Variants in IDE observed in about 807,000 individuals in gnomAD.
IDE encodes the protein insulin degrading enzyme, also known as insulin-degrading enzyme.
In IDE, 58 loss-of-function variants were observed where a neutral mutation model predicts 133.2. The ratio of observed to expected loss-of-function variants is 0.44; its 90% CI spans 0.35 to 0.54. The LOEUF (loss-of-function observed/expected upper bound fraction) is 0.54, where lower values mean the gene tolerates loss of function less well. Ranked by LOEUF, IDE falls within the 20% of genes least tolerant of loss-of-function variation. The pLI is 0.00. For synonymous variants in IDE, 396 were observed against 421.3 expected, an observed-to-expected ratio of 0.94 and a Z score of 0.73; for missense variants, 981 against 1,234.0, an observed-to-expected ratio of 0.79 and a Z score of 3.07.
At chr10:92,553,824 T>C (rs895488319) in intron 1 of IDE, among the ~76,000 whole-genome samples, 2 of 152,126 alleles carry the variant, frequency 1.3e-5, no homozygotes, top group Non-Finnish European at 1.5e-5. Context: ...AGTAACAAGA[T>C]TGAAGCCATA....
At chr10:92,555,063 C>A (rs1842946342) in intron 1 of IDE, 1 of 152,162 alleles carries the variant, frequency 6.6e-6, no homozygotes, top group South Asian at 2.1e-4. Context: ...GGAAGACAAG[C>A]AAACAATGAA....
At chr10:92,517,494 A>C (rs1848993197) in intron 4 of IDE, among the ~76,000 whole-genome samples, 1 of 152,162 alleles carries the variant, frequency 6.6e-6, no homozygotes, top group Non-Finnish European at 1.5e-5. Flanking sequence ...TGCAGCCTCG[A>C]TCTCCTGGGC....
In IDE at chr10:92,507,431, T is replaced by G. The variant is rs1434489322; in HGVS notation, c.1245+144A>C. 3 of 618,192 alleles carry G rather than the reference T, an allele frequency of 4.9e-6. No homozygotes were observed. In the East Asian group the frequency reaches 8.0e-5, roughly 17 times the overall value. The allele number at this position is 618,192 out of a possible 1,614,324, so 38.3% of individuals were successfully genotyped here. ...ACTAGTACAACTAAGCCTTAACTAA[T>G]ACTATTATACATTGCAAAATTTTAG... On this transcript the variant is annotated intron_variant, in intron 9 of 24. Coordinates refer to ENST00000265986, the MANE Select transcript of IDE (RefSeq NM_004969.4).
intron 1 of IDE, among the ~76,000 whole-genome samples, chr10:92,547,903 G>A (rs1842599731): frequency 6.6e-6 from 1 of 152,126 alleles, no homozygotes; most frequent in Non-Finnish European, 1.5e-5. Context: ...GGTCAAACCA[G>A]ACTTTCTGGC....
At chr10:92,502,630 A>AT (rs1246576792) in intron 11 of IDE, among the ~76,000 whole-genome samples, 1 of 152,218 alleles carries the variant, frequency 6.6e-6, no homozygotes, top group East Asian at 1.9e-4. Flanking sequence ...TGTGAACTAT[A>AT]TCTCGCCATC....
intron 4 of IDE, among the ~76,000 whole-genome samples, chr10:92,530,681 T>C (rs1203454086): frequency 1.3e-5 from 2 of 152,232 alleles, no homozygotes; most frequent in Non-Finnish European, 2.9e-5. Context: ...TTCAGCATTA[T>C]GTAGACATTC....
chr10:92,473,625 A>G (rs539267455), intron 17 of IDE, among the ~76,000 whole-genome samples: 1 of 142,254 alleles, frequency 7.0e-6, no homozygotes, highest in Admixed American at 7.0e-5. Context: ...CTAAAGCAGG[A>G]AAAAAAAAAA....
intron 11 of IDE, among the ~76,000 whole-genome samples, chr10:92,502,816 C>T (rs1848096503): frequency 6.6e-6 from 1 of 152,160 alleles, no homozygotes; most frequent in Admixed American, 6.6e-5. Context: ...GCAGAATGAT[C>T]AACTCAGCAA....
chr10:92,510,750 T>C (rs532056685), intron 5 of IDE, among the ~76,000 whole-genome samples: 4 of 147,224 alleles, frequency 2.7e-5, no homozygotes, highest in South Asian at 2.1e-4. Context: ...ATATAGCACA[T>C]ACATCTCACA....
In IDE at chr10:92,483,300, T is replaced by A; in HGVS notation, c.1694A>T (p.Asp565Val). The change falls in exon 14 of 25, where the codon GAT (aspartate) becomes GTT (valine). Residue 565 changes from aspartate (D) to valine (V), a missense_variant. This residue lies in a region of IDE where 660 missense variants were observed against 894.7 expected (regional missense o/e 0.74). Coordinates refer to ENST00000265986, the MANE Select transcript of IDE (RefSeq NM_004969.4). ...ACAAGCCTTCGGCAAAAAAAACTTA[T>A]CATCTTGTTTGAACCAAAGTTTGCT... is the stretch of plus-strand genomic sequence containing the variant. Reference protein sequence around the residue: ...AMSKLWFKQDDKFFLPKACLN... With the variant: ...AMSKLWFKQDVKFFLPKACLN... The A allele has an allele frequency of 6.2e-7, 1 of 1,611,398 alleles. No homozygotes were observed. Among genetic ancestry groups the A allele is most frequent in the Non-Finnish European group, 8.5e-7 (1 of 1,177,554 alleles).
At chr10:92,494,845 C>A (rs1847590914) in intron 11 of IDE, among the ~76,000 whole-genome samples, 1 of 152,122 alleles carries the variant, frequency 6.6e-6, no homozygotes, top group Admixed American at 6.6e-5. Context: ...TGATGCCTAA[C>A]ACAGAATAGG....
chr10:92,523,372 C>A (rs747684036), intron 4 of IDE, among the ~76,000 whole-genome samples: 2 of 151,620 alleles, frequency 1.3e-5, no homozygotes, highest in Non-Finnish European at 2.9e-5. Context: ...CAGAAGGAAA[C>A]CCTGTCTCAA....
At chr10:92,482,182 C>T (rs1338233524) in intron 14 of IDE, among the ~76,000 whole-genome samples, 2 of 152,058 alleles carry the variant, frequency 1.3e-5, no homozygotes, top group African/African-American at 4.8e-5. Context: ...GTCAAGCCAA[C>T]TGAATAAAAA....
In IDE at chr10:92,531,922, G is replaced by T; in HGVS notation, c.492-5C>A. 2 of 1,512,614 alleles carry T rather than the reference G, an allele frequency of 1.3e-6. No individual in the cohort carries two copies. Among genetic ancestry groups the T allele is most frequent in the Non-Finnish European group, 1.8e-6 (2 of 1,122,320 alleles). 93.7% of individuals were successfully genotyped at this position (1,512,614 alleles called of 1,614,324 possible). ...CACAGAAAAAACTGTGCAAACCTAAGGGTACGAAACATAATTAAAACTTGA... is the reference window on the plus strand; with the variant it reads ...CACAGAAAAAACTGTGCAAACCTAATGGTACGAAACATAATTAAAACTTGA... On this transcript the variant is annotated splice_region_variant and splice_polypyrimidine_tract_variant and intron_variant, in intron 3 of 24. Transcript: ENST00000265986.
intron 4 of IDE, among the ~76,000 whole-genome samples, chr10:92,524,375 TTA>T (rs1384178118): frequency 7.7e-4 from 11 of 14,376 alleles, no homozygotes; most frequent in Non-Finnish European, 1.7e-3. Flanking sequence ...ATAATATATA[TTA>T]TATATAATAT....
Position 92,574,066 on chromosome 10 carries a change from C to T in IDE, c.-47G>A, listed in dbSNP as rs937033224. On this transcript the variant is annotated 5_prime_UTR_variant, in exon 1 of 25. Coordinates refer to ENST00000265986, the MANE Select transcript of IDE (RefSeq NM_004969.4). ...TCACCGCAAACGCTTCCTGCTTGCG[C>T]TTCGAGCCGGCCCTGCGCACTGCGC... The T allele has an allele frequency of 4.2e-6, 6 of 1,432,002 alleles. No homozygotes were observed. The highest frequency in any genetic ancestry group is 2.8e-5 in the East Asian group (1 of 35,888). The allele number at this position is 1,432,002 out of a possible 1,614,324, so 88.7% of individuals were successfully genotyped here.
intron 1 of IDE, among the ~76,000 whole-genome samples, chr10:92,554,044 A>G (rs1768131824): frequency 1.3e-5 from 2 of 152,238 alleles, no homozygotes; most frequent in Non-Finnish European, 2.9e-5. Context: ...CTACAGGCCA[A>G]TATCACTGAT....
At chr10:92,496,917 G>A (rs933426202) in intron 11 of IDE, among the ~76,000 whole-genome samples, 6 of 152,198 alleles carry the variant, frequency 3.9e-5, no homozygotes, top group African/African-American at 1.2e-4. Flanking sequence ...TGGAGAACAC[G>A]AGATGAGGCA....
chr10:92,456,786 C>T (rs561429253), intron 22 of IDE, among the ~76,000 whole-genome samples: 1 of 130,552 alleles, frequency 7.7e-6, no homozygotes, highest in South Asian at 2.6e-4. Flanking sequence ...TGCCATGTGC[C>T]ATGAGCCGAG....
Sources: allele counts gnomAD v4.1 joint callset (sites outside exome capture counted in the v4.1 genomes callset), GRCh38; gene constraint gnomAD v4.1.1; regional missense constraint gnomAD v4.1.1; transcripts MANE v1.5; gene names NCBI Gene and HGNC (gene_info 2026-07-23, HGNC 2026-07-21).